ASB3: variants seen among roughly 807,000 people sequenced by gnomAD.
ASB3 encodes ankyrin repeat and SOCS box containing 3.
ASB3 carries 41 observed loss-of-function variants against 54.5 expected under a neutral mutation model. That is an observed-to-expected ratio of 0.75 (90% CI 0.59 to 0.98). The LOEUF (loss-of-function observed/expected upper bound fraction) is 0.98, where lower values mean the gene tolerates loss of function less well. Among genes scored for constraint, ASB3 ranks in the 50% least tolerant of loss-of-function variants. ASB3 has a pLI of 0.00. For missense variants in ASB3, 733 were observed against 620.0 expected (o/e 1.18, Z -1.94); for synonymous variants, 266 against 221.2 (o/e 1.20, Z -1.80).
In ASB3 at chr2:53,784,546, C is replaced by G. The variant is rs74728691; in HGVS notation, c.-14+2275G>C. Among the ~76,000 whole-genome samples the G allele has an allele frequency of 9.2e-3, 1,403 of 152,280 alleles. 23 individuals carry two copies. The highest frequency in any genetic ancestry group is 0.032 in the African/African-American group (1,330 of 41,540). ...ATGTCAGCAGGGCTATTCTCTCTCT[C>G]TGAAAGCTCTAAAGAAGGATTCTTC... On this transcript the variant is annotated intron_variant, in intron 1 of 9. Coordinates refer to ENST00000263634, the MANE Select transcript of ASB3 (RefSeq NM_016115.5).
intron 3 of ASB3, among the ~76,000 whole-genome samples, chr2:53,745,469 T>C (rs1453233157): frequency 1.3e-5 from 2 of 152,204 alleles, no homozygotes; most frequent in African/African-American, 2.4e-5. Flanking sequence ...ATTAAAATGT[T>C]GGTGAGCTCT....
chr2:53,688,296 T>C (rs916690316), intron 9 of ASB3, among the ~76,000 whole-genome samples: 1 of 152,332 alleles, frequency 6.6e-6, no homozygotes. Context: ...GTCAGGCAAT[T>C]CTCCTAAAAT....
chr2:53,688,593 T>C (rs1668751596), intron 9 of ASB3, among the ~76,000 whole-genome samples: 1 of 152,238 alleles, frequency 6.6e-6, no homozygotes, highest in African/African-American at 2.4e-5. Flanking sequence ...TTACCATCTC[T>C]TCTTATAATT....
chr2:53,693,172 C>G (rs569783138), intron 9 of ASB3, among the ~76,000 whole-genome samples: 19 of 152,064 alleles, frequency 1.2e-4, no homozygotes, highest in Non-Finnish European at 2.8e-4. Flanking sequence ...ATATGGTTAA[C>G]AAAATATAGT....
chr2:53,741,164 T>G (rs1671911497), intron 3 of ASB3, among the ~76,000 whole-genome samples: 1 of 151,964 alleles, frequency 6.6e-6, no homozygotes, highest in Non-Finnish European at 1.5e-5. Flanking sequence ...TCCCAAAGAG[T>G]CCTATTTATG....
chr2:53,700,639 A>C lies in ASB3; in HGVS notation c.981-111T>G, dbSNP rs1180808819. On this transcript the variant is annotated intron_variant, in intron 7 of 9. Coordinates refer to ENST00000263634, the MANE Select transcript of ASB3 (RefSeq NM_016115.5). The stretch of plus-strand genomic sequence containing the variant: ...GCTGGGGAATAAGTATGGCAGATTA[A>C]ATAGTGGATGGTTTCTACACATCTA... 9 of 1,402,988 alleles carry C rather than the reference A, an allele frequency of 6.4e-6. No homozygotes were observed. In the East Asian group the frequency reaches 2.2e-4, roughly 35 times the overall value. The allele number at this position is 1,402,988 out of a possible 1,614,324, so 86.9% of individuals were successfully genotyped here.
intron 1 of ASB3, 116 bp from the exon 2 acceptor site, chr2:53,765,701 G>T: frequency 8.2e-7 from 1 of 1,218,232 alleles, no homozygotes; most frequent in Non-Finnish European, 1.1e-6. Flanking sequence ...ACGAAGAAGG[G>T]CCCACAATAC....
At chr2:53,767,783 C>T (rs1673577764) in intron 1 of ASB3, 1 of 1,454,954 alleles carries the variant, frequency 6.9e-7, no homozygotes, top group Non-Finnish European at 9.2e-7. Context: ...GCCATCGCGC[C>T]TGCGCCCCGC....
intron 3 of ASB3, among the ~76,000 whole-genome samples, chr2:53,738,899 G>T (rs1237670695): frequency 6.6e-6 from 1 of 152,174 alleles, no homozygotes; most frequent in Non-Finnish European, 1.5e-5. Flanking sequence ...CCAAGTGTCT[G>T]GAGTACACAG....
At chr2:53,758,499 G>T (rs1216775215) in intron 2 of ASB3, among the ~76,000 whole-genome samples, 1 of 152,188 alleles carries the variant, frequency 6.6e-6, no homozygotes. Context: ...GCATCTTGAT[G>T]GGGCAGCTGG....
intron 7 of ASB3, among the ~76,000 whole-genome samples, chr2:53,713,537 T>A (rs1431304802): frequency 6.6e-6 from 1 of 152,228 alleles, no homozygotes; most frequent in Non-Finnish European, 1.5e-5. Flanking sequence ...CTTCACTTAG[T>A]CTATTTCACA....
intron 7 of ASB3, among the ~76,000 whole-genome samples, chr2:53,711,513 G>A (rs796351170): frequency 1.6e-4 from 24 of 152,322 alleles, no homozygotes; most frequent in African/African-American, 5.3e-4. Flanking sequence ...GCCAGGCGCG[G>A]TGACTCATGC....
intron 9 of ASB3, among the ~76,000 whole-genome samples, chr2:53,684,951 T>C (rs553667062): frequency 6.6e-6 from 1 of 152,304 alleles, no homozygotes; most frequent in Non-Finnish European, 1.5e-5. Flanking sequence ...GGAGGAATGT[T>C]AGAGGATCTT....
At chr2:53,713,590 A>T (rs1340047482) in intron 7 of ASB3, among the ~76,000 whole-genome samples, 1 of 152,206 alleles carries the variant, frequency 6.6e-6, no homozygotes, top group African/African-American at 2.4e-5. Context: ...GGGGGCGTTT[A>T]AAAACTTAAT....
rs567511316 is a variant in ASB3, at chr2:53,768,092, CA to C, written c.-13-2508del. The C allele has an allele frequency of 4.0e-4, 617 of 1,560,124 alleles. 3 individuals are homozygous for C. The African/African-American group carries it at 7.1e-3, about 18-fold the overall frequency. On this transcript the variant is annotated intron_variant, in intron 1 of 9. Transcript: ENST00000263634. ...GCTCCCCAACTCCACACACAGCACC[CA>C]CACCCTAGAGAACCACACCTTAGCG...
At chr2:53,687,991 T>C (rs1668720456) in intron 9 of ASB3, among the ~76,000 whole-genome samples, 1 of 152,124 alleles carries the variant, frequency 6.6e-6, no homozygotes, top group African/African-American at 2.4e-5. Flanking sequence ...CTAATTTTCT[T>C]ATTTTATTTT....
chr2:53,745,661 A>G (rs1317331951), intron 3 of ASB3, among the ~76,000 whole-genome samples: 1 of 152,204 alleles, frequency 6.6e-6, no homozygotes, highest in Non-Finnish European at 1.5e-5. Flanking sequence ...CTCTGGGTTT[A>G]TATTCTATAG....
intron 3 of ASB3, among the ~76,000 whole-genome samples, chr2:53,739,027 A>G (rs563672006): frequency 2.0e-5 from 3 of 152,370 alleles, no homozygotes; most frequent in African/African-American, 7.2e-5. Context: ...AATGGATCAT[A>G]TAACATAGTA....
At chr2:53,779,168 C>T (rs1203821916) in intron 1 of ASB3, among the ~76,000 whole-genome samples, 1 of 152,128 alleles carries the variant, frequency 6.6e-6, no homozygotes, top group Non-Finnish European at 1.5e-5. Context: ...TATCTGTTGG[C>T]CATTTGTATG....
Sources: allele counts gnomAD v4.1 joint callset (sites outside exome capture counted in the v4.1 genomes callset), GRCh38; gene constraint gnomAD v4.1.1; transcripts MANE v1.5; gene names NCBI Gene and HGNC (gene_info 2026-07-23, HGNC 2026-07-21).